Variants in TNPO1 observed in about 807,000 individuals in gnomAD.
The protein encoded by TNPO1 is transportin 1, also known as transportin-1.
A neutral mutation model predicts 119.5 loss-of-function variants in TNPO1; 8 were observed. The ratio of observed to expected loss-of-function variants is 0.07; its 90% CI spans 0.04 to 0.12. The LOEUF is 0.12. Ranked by LOEUF, TNPO1 falls within the 10% of genes least tolerant of loss-of-function variation. The pLI is 1.00. For missense variants in TNPO1, 576 were observed against 1,089.8 expected (o/e 0.53, Z 6.64); for synonymous variants, 362 against 363.0 (o/e 1.00, Z 0.03).
At position 72,855,998 on chromosome 5, in the gene TNPO1, T is replaced by C; in HGVS notation, c.355+75T>C. 3 of 1,477,466 alleles carry C rather than the reference T, an allele frequency of 2.0e-6. No homozygotes were observed. In the Admixed American group the frequency reaches 5.6e-5, roughly 28 times the overall value. 91.5% of individuals were successfully genotyped at this position (1,477,466 alleles called of 1,614,324 possible). ...TTTTAGAGATGACAGATTATTTCCT[T>C]AGGAATTTTTGTCTGTTTCATGTTA... On this transcript the variant is annotated intron_variant, in intron 4 of 24. Transcript: ENST00000337273.
rs1046932583 is a variant in TNPO1 at position 72,879,349 on chromosome 5, G to A, written c.920+2003G>A. On this transcript the variant is annotated intron_variant, in intron 9 of 24. Coordinates refer to ENST00000337273, the MANE Select transcript of TNPO1 (RefSeq NM_002270.4). ...AATGAAAACCTAGGCTATAACATTAGAGATGATGTTAAAAATATGGAATTA... is the reference window on the plus strand; with the variant it reads ...AATGAAAACCTAGGCTATAACATTAAAGATGATGTTAAAAATATGGAATTA... 2.5e-4 allele frequency among the ~76,000 whole-genome samples: 38 copies of A among 152,274 alleles called. 1 individual carries two copies. The highest frequency in any genetic ancestry group is 8.9e-4 in the African/African-American group (37 of 41,542).
chr5:72,894,074 C>T (rs536566276), intron 18 of TNPO1, among the ~76,000 whole-genome samples: 7 of 152,318 alleles, frequency 4.6e-5, no homozygotes, highest in African/African-American at 1.7e-4. Context: ...AGGTTTTCTT[C>T]TCTAGCAAAC....
At chr5:72,818,542 A>G (rs186399581) in intron 1 of TNPO1, among the ~76,000 whole-genome samples, 136 of 152,288 alleles carry the variant, frequency 8.9e-4, no homozygotes, top group African/African-American at 3.2e-3. Flanking sequence ...TGTTTTTTTA[A>G]GAAAAGAAAC....
intron 11 of TNPO1, among the ~76,000 whole-genome samples, chr5:72,884,564 A>G (rs914013409): frequency 2.6e-5 from 4 of 152,110 alleles, no homozygotes; most frequent in African/African-American, 9.7e-5. Context: ...AAATATGTTA[A>G]TTTCCAACCT....
At chr5:72,867,985 C>G (rs1561326347) in intron 6 of TNPO1, among the ~76,000 whole-genome samples, 1 of 152,056 alleles carries the variant, frequency 6.6e-6, no homozygotes, top group Non-Finnish European at 1.5e-5. Flanking sequence ...TTGCCTTTAT[C>G]TTGTTGTTGT....
chr5:72,895,659 T>C (rs1318764653), intron 18 of TNPO1, among the ~76,000 whole-genome samples: 1 of 152,216 alleles, frequency 6.6e-6, no homozygotes, highest in African/African-American at 2.4e-5. Context: ...ATTATGATAT[T>C]CTAATTCTTC....
chr5:72,899,226 A>G (rs1579934282), intron 20 of TNPO1, among the ~76,000 whole-genome samples: 1 of 152,176 alleles, frequency 6.6e-6, no homozygotes. Flanking sequence ...ATCATATGTC[A>G]TTGCAGTGGA....
chr5:72,843,913 A>G (rs912385051), intron 1 of TNPO1, among the ~76,000 whole-genome samples: 1 of 152,340 alleles, frequency 6.6e-6, no homozygotes, highest in East Asian at 1.9e-4. Context: ...TTGACAGGTC[A>G]TCTGCCTCTC....
rs138391239 is a variant in TNPO1 at position 72,855,113 on chromosome 5, C to T, written c.206-661C>T. The stretch of plus-strand genomic sequence containing the variant: ...TGAGTTCAAGTGATTCTCCTGCCTC[C>T]GCCTCCCAAGCAGCTTGGATTAAAG... On this transcript the variant is annotated intron_variant, in intron 3 of 24. Transcript: ENST00000337273. Among the ~76,000 whole-genome samples, 447 of 151,948 alleles carry T rather than the reference C, an allele frequency of 2.9e-3. 1 individual carries two copies. The highest frequency in any genetic ancestry group is 0.01 in the African/African-American group (424 of 41,458).
At chr5:72,888,049 G>A in intron 12 of TNPO1, 29 bp from the exon 13 acceptor site, 2 of 1,588,714 alleles carry the variant, frequency 1.3e-6, no homozygotes, top group Non-Finnish European at 1.7e-6. Flanking sequence ...CTAAATTTTA[G>A]CATTTTGAAA....
chr5:72,871,547 G>T (rs1747403687), intron 6 of TNPO1, among the ~76,000 whole-genome samples: 1 of 152,174 alleles, frequency 6.6e-6, no homozygotes, highest in African/African-American at 2.4e-5. Flanking sequence ...ATACAGTCAT[G>T]AGTACAATGG....
intron 1 of TNPO1, among the ~76,000 whole-genome samples, chr5:72,833,441 G>C (rs545160553): frequency 5.3e-4 from 80 of 152,208 alleles, no homozygotes; most frequent in African/African-American, 1.9e-3. Context: ...TTTAAAATAA[G>C]AGGATTGGAT....
chr5:72,886,431 TG>T (rs1160456210), intron 11 of TNPO1, among the ~76,000 whole-genome samples: 1 of 152,224 alleles, frequency 6.6e-6, no homozygotes, highest in Non-Finnish European at 1.5e-5. Context: ...TAATCATGAT[TG>T]TAATATGAGT....
chr5:72,845,852 T>G (rs1167263917), intron 1 of TNPO1, among the ~76,000 whole-genome samples: 1 of 152,208 alleles, frequency 6.6e-6, no homozygotes, highest in Non-Finnish European at 1.5e-5. Flanking sequence ...TATTGGTCCC[T>G]TGCTTTAGTT....
intron 1 of TNPO1, among the ~76,000 whole-genome samples, chr5:72,827,200 C>T (rs937810080): frequency 2.0e-5 from 3 of 151,972 alleles, no homozygotes; most frequent in African/African-American, 7.3e-5. Flanking sequence ...TGTAAGAAAA[C>T]CAGTGTGATG....
In TNPO1 at chr5:72,909,870, T is replaced by G. The variant is rs1475273845; in HGVS notation, c.*1197T>G. The G allele has an allele frequency of 5.9e-5, 9 of 152,754 alleles. No individual in the cohort carries two copies. In the East Asian group the frequency reaches 1.3e-3, roughly 23 times the overall value. 9.5% of individuals were successfully genotyped at this position (152,754 alleles called of 1,614,324 possible). A position where few individuals can be genotyped will look rare whatever the true frequency, so the allele number is the denominator to read the frequency against. On this transcript the variant is annotated 3_prime_UTR_variant, in exon 25 of 25. Transcript: ENST00000337273. Reference sequence around the variant, plus strand: ...AGCTGATATACCTGTGCAAAATCTTTGCCTCTGTGCTGTCAGTGTGATGTG... The same window carrying G: ...AGCTGATATACCTGTGCAAAATCTTGGCCTCTGTGCTGTCAGTGTGATGTG...
chr5:72,865,831 G>C (rs777513894), intron 6 of TNPO1, 102 bp downstream of exon 6: 29 of 1,220,956 alleles, frequency 2.4e-5, no homozygotes, highest in Non-Finnish European at 3.1e-5. Context: ...AAGATCAAAA[G>C]ATATTGGATG....
chr5:72,854,512 G>A (rs978093762), intron 3 of TNPO1, among the ~76,000 whole-genome samples: 1 of 152,172 alleles, frequency 6.6e-6, no homozygotes, highest in African/African-American at 2.4e-5. Flanking sequence ...CAACATGCCA[G>A]CTCTTCATCT....
rs965743016 is a variant in TNPO1 at position 72,912,602 on chromosome 5, G to GT, written c.*3930dup. 1 of 152,344 alleles carries GT rather than the reference G, an allele frequency of 6.6e-6. No homozygotes were observed. The highest frequency in any genetic ancestry group is 2.4e-5 in the African/African-American group (1 of 41,404). 9.4% of individuals were successfully genotyped at this position (152,344 alleles called of 1,614,324 possible). A position where few individuals can be genotyped will look rare whatever the true frequency, so the allele number is the denominator to read the frequency against. On this transcript the variant is annotated 3_prime_UTR_variant, in exon 25 of 25. Coordinates refer to ENST00000337273, the MANE Select transcript of TNPO1 (RefSeq NM_002270.4). ...CCTAATATTCTAGCAGGCTGGGGTG[G>GT]TATAAAGCCCTCCTGACAAGCCTTT...
Sources: gnomAD v4.1 joint callset for allele counts (sites outside exome capture counted in the v4.1 genomes callset) on GRCh38, gnomAD v4.1.1 for gene constraint, MANE v1.5 for transcripts, NCBI Gene and HGNC (gene_info 2026-07-23, HGNC 2026-07-21) for gene names.